The following ADAM17 variants were observed in gnomAD, a reference collection of about 807,000 sequenced individuals.
ADAM17 encodes the protein ADAM metallopeptidase domain 17.
ADAM17 carries 39 observed loss-of-function variants against 96.7 expected under a neutral mutation model. That is an observed-to-expected ratio of 0.40 (90% CI 0.31 to 0.53). The LOEUF (loss-of-function observed/expected upper bound fraction) is 0.53, where lower values mean the gene tolerates loss of function less well. Ranked by LOEUF, ADAM17 falls within the 20% of genes least tolerant of loss-of-function variation. The pLI is 0.44. For synonymous variants in ADAM17, 344 were observed against 359.2 expected (o/e 0.96, Z 0.48); for missense variants, 777 against 1,013.2 (o/e 0.77, Z 3.17).
intron 1 of ADAM17, among the ~76,000 whole-genome samples, chr2:9,543,660 T>A (rs570831751): frequency 1.3e-4 from 20 of 152,194 alleles, no homozygotes; most frequent in Non-Finnish European, 2.5e-4. Flanking sequence ...ATGTTAAATA[T>A]GCTCACAAAA....
At chr2:9,502,424 G>A (rs1375275835) in intron 12 of ADAM17, 148 bp from the exon 13 acceptor site, 23 of 653,234 alleles carry the variant, frequency 3.5e-5, no homozygotes, top group East Asian at 2.2e-4. Context: ...AGACATCTCC[G>A]CTGCTAGAGC....
chr2:9,509,788 A>G (rs994942886), intron 11 of ADAM17, among the ~76,000 whole-genome samples, 191 bp downstream of exon 11: 4 of 152,192 alleles, frequency 2.6e-5, no homozygotes, highest in African/African-American at 9.7e-5. Flanking sequence ...AGTCCAAATG[A>G]TAGTTTTAAC....
intron 2 of ADAM17, among the ~76,000 whole-genome samples, chr2:9,542,282 G>C (rs193139038): frequency 4.7e-4 from 72 of 152,300 alleles, no homozygotes; most frequent in Non-Finnish European, 8.7e-4. Flanking sequence ...GCTCACACCT[G>C]TAATCCCAGC....
chr2:9,491,024 TG>T, intron 18 of ADAM17, 76 bp downstream of exon 18: 2 of 1,324,264 alleles, frequency 1.5e-6, no homozygotes, highest in Non-Finnish European at 2.1e-6. Flanking sequence ...AAGCTCTTGC[TG>T]GGTCAGGTGA....
intron 6 of ADAM17, among the ~76,000 whole-genome samples, chr2:9,523,938 C>T (rs1287002543): frequency 6.6e-6 from 1 of 151,092 alleles, no homozygotes; most frequent in Non-Finnish European, 1.5e-5. Context: ...TACAGCGGCA[C>T]GATCATAGCT....
At position 9,555,621 on chromosome 2, in the gene ADAM17, A is replaced by AC; in HGVS notation, c.-17dup. On this transcript the variant is annotated 5_prime_UTR_variant, in exon 1 of 19. Transcript: ENST00000310823. ...ACTGCCTCATGTTCCCGGCCCCGCTACCGACTCCACCTCTCTGGGCAGCCT... is the reference window on the plus strand; with the variant it reads ...ACTGCCTCATGTTCCCGGCCCCGCTACCCGACTCCACCTCTCTGGGCAGCCT... 6.5e-7 allele frequency: 1 copy of AC among 1,547,424 alleles called. No homozygotes were observed. Among genetic ancestry groups the AC allele is most frequent in the Middle Eastern group, 1.7e-4 (1 of 5,868 alleles).
rs757451849 is a variant in ADAM17 at position 9,555,511 on chromosome 2, A to G, written c.95T>C (p.Leu32Pro). ...DDPGFGPHQR[L>P]EKLDSLLSDY... The stretch of plus-strand genomic sequence containing the variant: ...AGCCAACTCCCCTGGGTCTTTACCG[A>G]GTCTCTGGTGGGGGCCGAAGCCCGG... Residue 32 changes from leucine to proline, a missense_variant and splice_region_variant, in exon 1 of 19, where the codon CTC becomes CCC. By Grantham distance (98) the Leu-to-Pro change is moderately conservative. Transcript: ENST00000310823. 6 of 1,593,418 alleles carry G rather than the reference A, an allele frequency of 3.8e-6. No individual in the cohort carries two copies. Among genetic ancestry groups the G allele is most frequent in the Non-Finnish European group, 3.4e-6 (4 of 1,169,972 alleles).
At chr2:9,530,641 A>AT (rs889780187) in intron 4 of ADAM17, among the ~76,000 whole-genome samples, 5 of 152,180 alleles carry the variant, frequency 3.3e-5, no homozygotes, top group African/African-American at 1.2e-4. Flanking sequence ...TACAAAGGAG[A>AT]TTTTGAGGAT....
rs1662325621 is a variant in ADAM17, at chr2:9,493,515, G to A, written c.1993+232C>T. Among the ~76,000 whole-genome samples, 3 of 152,328 alleles carry A rather than the reference G, an allele frequency of 2.0e-5. No individual in the cohort carries two copies. The South Asian group carries it at 6.2e-4, about 32-fold the overall frequency. On this transcript the variant is annotated intron_variant, in intron 16 of 18. Coordinates refer to ENST00000310823, the MANE Select transcript of ADAM17 (RefSeq NM_003183.6). ...TATTTTTGGGTAAAGAAGGAAGCCA[G>A]TATTTTGACTTTATTTCCCTTGTCA...
chr2:9,536,705 G>A lies in ADAM17; in HGVS notation c.354C>T (p.His118=), dbSNP rs373534760. ...TVKWQDFFTG[H]VVGEPDSRVL... ...AACAAGCTCCATACTAACCAACCAC[G>A]TGTCCAGTGAAGAAGTCCTGCCATT... Residue 118 remains histidine (H), a synonymous_variant, in exon 3 of 19, where the codon CAC becomes CAT. Coordinates refer to ENST00000310823, the MANE Select transcript of ADAM17 (RefSeq NM_003183.6). 18 of 1,613,774 alleles carry A rather than the reference G, an allele frequency of 1.1e-5. No homozygotes were observed. Among genetic ancestry groups the A allele is most frequent in the Non-Finnish European group, 1.4e-5 (16 of 1,179,942 alleles).
chr2:9,548,346 G>T lies in ADAM17; in HGVS notation c.98-5061C>A, dbSNP rs573786274. Among the ~76,000 whole-genome samples the T allele has an allele frequency of 3.9e-5, 6 of 152,114 alleles. No individual in the cohort carries two copies. In the South Asian group the frequency reaches 1.2e-3, roughly 32 times the overall value. On this transcript the variant is annotated intron_variant, in intron 1 of 18. Coordinates refer to ENST00000310823, the MANE Select transcript of ADAM17 (RefSeq NM_003183.6). ...GACTCCATCCCCCCCAAAAAAGAAA[G>T]AAATTTCATTATGACTGCAGTGTGG...
chr2:9,541,610 G>A (rs1209988721), intron 2 of ADAM17, among the ~76,000 whole-genome samples: 1 of 152,108 alleles, frequency 6.6e-6, no homozygotes, highest in Non-Finnish European at 1.5e-5. Flanking sequence ...AGTTTACAAA[G>A]GAAACCTCTC....
chr2:9,502,708 A>C (rs761281103), intron 12 of ADAM17, among the ~76,000 whole-genome samples: 1 of 151,054 alleles, frequency 6.6e-6, no homozygotes, highest in Non-Finnish European at 1.5e-5. Flanking sequence ...GTGAAACCCC[A>C]TCTCTACTAA....
chr2:9,518,790 G>A (rs1290597003), intron 8 of ADAM17, among the ~76,000 whole-genome samples: 1 of 151,660 alleles, frequency 6.6e-6, no homozygotes, highest in Non-Finnish European at 1.5e-5. Flanking sequence ...CAACACTGCA[G>A]GTTTGAGAGG....
rs1663301593 is a variant in ADAM17, at chr2:9,505,041, A to G, written c.1544+125T>C. 13 of 1,043,220 alleles carry G rather than the reference A, an allele frequency of 1.2e-5. No individual in the cohort carries two copies. The South Asian group carries it at 1.7e-4, about 14-fold the overall frequency. The allele number at this position is 1,043,220 out of a possible 1,614,324, so 64.6% of individuals were successfully genotyped here. ...TCTTGCTGTGAAGGGCAAAAGAGGTAGATGTAAACAAACACACTCACACCC... is the reference window on the plus strand; with the variant it reads ...TCTTGCTGTGAAGGGCAAAAGAGGTGGATGTAAACAAACACACTCACACCC... On this transcript the variant is annotated intron_variant, in intron 12 of 18. Coordinates refer to ENST00000310823, the MANE Select transcript of ADAM17 (RefSeq NM_003183.6).
chr2:9,520,754 G>C (rs934408846), intron 8 of ADAM17, among the ~76,000 whole-genome samples: 2 of 151,830 alleles, frequency 1.3e-5, no homozygotes, highest in Admixed American at 1.3e-4. Flanking sequence ...ATCTGAGGTC[G>C]GGAGTTCAAG....
intron 10 of ADAM17, among the ~76,000 whole-genome samples, chr2:9,515,739 A>G (rs1664023072): frequency 6.8e-6 from 1 of 148,076 alleles, no homozygotes; most frequent in Admixed American, 6.7e-5. Flanking sequence ...CGTCTCCAAA[A>G]AAAAAAAAAA....
intron 2 of ADAM17, among the ~76,000 whole-genome samples, chr2:9,542,768 G>A (rs922588229): frequency 7.2e-5 from 11 of 151,908 alleles, no homozygotes; most frequent in Admixed American, 5.9e-4. Flanking sequence ...GCACCATCTC[G>A]GCTAGTGCAG....
intron 10 of ADAM17, among the ~76,000 whole-genome samples, chr2:9,513,780 T>C (rs1023692269): frequency 6.6e-6 from 1 of 151,462 alleles, no homozygotes; most frequent in African/African-American, 2.4e-5. Context: ...AATCCAGCAG[T>C]TTGGGAGGCC....
Sources: gnomAD v4.1 joint callset for allele counts (sites outside exome capture counted in the v4.1 genomes callset) on GRCh38, gnomAD v4.1.1 for gene constraint, MANE v1.5 for transcripts, NCBI Gene and HGNC (gene_info 2026-07-23, HGNC 2026-07-21) for gene names.